The following USO1 variants were observed in gnomAD, a reference collection of about 807,000 sequenced individuals.
USO1 encodes the protein general vesicular transport factor p115.
USO1 carries 57 observed loss-of-function variants against 124.5 expected under a neutral mutation model. The ratio of observed to expected loss-of-function variants is 0.46; its 90% CI spans 0.37 to 0.57. USO1 has a LOEUF of 0.57. Among genes scored for constraint, USO1 ranks in the 20% least tolerant of loss-of-function variants. USO1 has a pLI of 0.00. For synonymous variants in USO1, 369 were observed against 362.8 expected, an observed-to-expected ratio of 1.02 and a Z score of -0.19; for missense variants, 900 against 1,040.6, an observed-to-expected ratio of 0.86 and a Z score of 1.86.
At chr4:75,733,693 G>A (rs1021401337) in intron 1 of USO1, among the ~76,000 whole-genome samples, 6 of 152,074 alleles carry the variant, frequency 3.9e-5, no homozygotes, top group African/African-American at 1.4e-4. Context: ...GTTGAATTAA[G>A]TTCCTTACAG....
chr4:75,751,245 T>C (rs1293749871), intron 1 of USO1, among the ~76,000 whole-genome samples: 1 of 150,834 alleles, frequency 6.6e-6, no homozygotes, highest in East Asian at 2.0e-4. Context: ...GGAACCTCAC[T>C]CTGTCACTCA....
At chr4:75,725,162 G>T (rs193092932) in intron 1 of USO1, among the ~76,000 whole-genome samples, 2 of 152,332 alleles carry the variant, frequency 1.3e-5, no homozygotes, top group South Asian at 2.1e-4. Context: ...GTCCGCAGGT[G>T]GTACCGCACG....
intron 8 of USO1, 110 bp downstream of exon 8, chr4:75,774,906 G>T: frequency 5.7e-6 from 8 of 1,392,808 alleles, no homozygotes; most frequent in South Asian, 1.9e-5. Flanking sequence ...TATACTCTTT[G>T]TTTTTCTTTC....
chr4:75,750,073 A>G (rs1316146323), intron 1 of USO1, among the ~76,000 whole-genome samples: 3 of 152,110 alleles, frequency 2.0e-5, no homozygotes, highest in Non-Finnish European at 2.9e-5. Context: ...TCTTCATCAG[A>G]TGTTTTCCAA....
At chr4:75,768,389 G>C (rs1721829259) in intron 4 of USO1, among the ~76,000 whole-genome samples, 1 of 152,160 alleles carries the variant, frequency 6.6e-6, no homozygotes, top group Non-Finnish European at 1.5e-5. Flanking sequence ...TGTTTTTGTT[G>C]ATGCTATTGA....
intron 13 of USO1, 42 bp downstream of exon 13, chr4:75,793,943 G>A (rs749855050): frequency 1.2e-6 from 2 of 1,611,078 alleles, no homozygotes; most frequent in South Asian, 2.2e-5. Context: ...ACATTTTGAT[G>A]TCAGTGATAC....
chr4:75,803,717 G>A (rs183746276), intron 17 of USO1, among the ~76,000 whole-genome samples: 19 of 151,388 alleles, frequency 1.3e-4, no homozygotes, highest in Non-Finnish European at 2.4e-4. Context: ...GTAAAAGTTG[G>A]AAGCTCTTTT....
chr4:75,808,454 T>G (rs914547592), intron 20 of USO1, among the ~76,000 whole-genome samples: 3 of 152,162 alleles, frequency 2.0e-5, no homozygotes, highest in Non-Finnish European at 2.9e-5. Context: ...TTTAACCTCA[T>G]TTTTATCTGT....
Position 75,727,842 on chromosome 4 carries a change from C to T in USO1, c.66+2957C>T, listed in dbSNP as rs112169833. Among the ~76,000 whole-genome samples the T allele has an allele frequency of 2.4e-3, 368 of 152,236 alleles. 1 individual carries two copies. The Middle Eastern group carries it at 0.037, about 15-fold the overall frequency. On this transcript the variant is annotated intron_variant, in intron 1 of 23. Coordinates refer to ENST00000514213, the MANE Select transcript of USO1 (RefSeq NM_003715.4). Reference sequence around the variant, plus strand: ...ACCTGTTATTTAAATTCATCATCAGCGCCTCCCCTAATCTGTACTTTCCCC... The same window carrying T: ...ACCTGTTATTTAAATTCATCATCAGTGCCTCCCCTAATCTGTACTTTCCCC...
intron 4 of USO1, among the ~76,000 whole-genome samples, chr4:75,766,189 G>C (rs1463595480): frequency 6.6e-6 from 1 of 152,090 alleles, no homozygotes; most frequent in East Asian, 1.9e-4. Context: ...AAAATATCAA[G>C]ACTTACAGAC....
chr4:75,759,527 C>T (rs1274626592), intron 4 of USO1, among the ~76,000 whole-genome samples: 1 of 150,676 alleles, frequency 6.6e-6, no homozygotes, highest in East Asian at 2.0e-4. Context: ...CCAGGAGGTA[C>T]AGGTTGGAGT....
chr4:75,757,085 C>T (rs775328657), intron 3 of USO1, among the ~76,000 whole-genome samples: 6 of 139,030 alleles, frequency 4.3e-5, no homozygotes, highest in Middle Eastern at 3.8e-3. Context: ...TAGATACAAA[C>T]GTATACATAT....
At chr4:75,811,548 A>G (rs1335321237) in intron 22 of USO1, among the ~76,000 whole-genome samples, 1 of 152,258 alleles carries the variant, frequency 6.6e-6, no homozygotes, top group African/African-American at 2.4e-5. Context: ...TAGGCTTTCC[A>G]TAAGCCGTGG....
At chr4:75,771,176 CT>C (rs773007726) in intron 7 of USO1, 39 bp downstream of exon 7, 35 of 1,554,174 alleles carry the variant, frequency 2.3e-5, no homozygotes, top group Admixed American at 6.3e-5. Context: ...AAATATGTGG[CT>C]TTTTTTTCTC....
At chr4:75,744,814 C>G (rs978143909) in intron 1 of USO1, 10 of 358,748 alleles carry the variant, frequency 2.8e-5, no homozygotes, top group Non-Finnish European at 4.4e-5. Flanking sequence ...AAGTAAAAGG[C>G]CCCCATGAAT....
intron 1 of USO1, among the ~76,000 whole-genome samples, chr4:75,747,005 T>G (rs114248226): frequency 1.3e-5 from 2 of 152,158 alleles, no homozygotes; most frequent in African/African-American, 4.8e-5. Flanking sequence ...TTATTGAAGA[T>G]TCATAGGTGC....
At chr4:75,795,330 T>A (rs74853639) in intron 13 of USO1, 1 of 702,320 alleles carries the variant, frequency 1.4e-6, no homozygotes, top group Admixed American at 2.0e-5. Context: ...AATGTATAAT[T>A]TGCAGGGTGA....
chr4:75,727,635 G>A (rs918079962), intron 1 of USO1, among the ~76,000 whole-genome samples: 1 of 152,120 alleles, frequency 6.6e-6, no homozygotes, highest in South Asian at 2.1e-4. Flanking sequence ...TGATGATTTA[G>A]TCTGGCCAGG....
In USO1 at chr4:75,724,725, A is replaced by C; in HGVS notation, c.-95A>C. The C allele has an allele frequency of 3.1e-6, 4 of 1,283,332 alleles. No homozygotes were observed. Among genetic ancestry groups the C allele is most frequent in the Non-Finnish European group, 4.4e-6 (4 of 906,588 alleles). 79.5% of individuals were successfully genotyped at this position (1,283,332 alleles called of 1,614,324 possible). A position where few individuals can be genotyped will look rare whatever the true frequency, so the allele number is the denominator to read the frequency against. ...TGGTGGCAGCAGTAGGAGTGTGTAGAGTGCGGGATTGGGGCCCAGGCCCTG... is the reference window on the plus strand; with the variant it reads ...TGGTGGCAGCAGTAGGAGTGTGTAGCGTGCGGGATTGGGGCCCAGGCCCTG... On this transcript the variant is annotated 5_prime_UTR_variant, in exon 1 of 24. Transcript: ENST00000514213.
Sources: allele counts gnomAD v4.1 joint callset (sites outside exome capture counted in the v4.1 genomes callset), GRCh38; gene constraint gnomAD v4.1.1; transcripts MANE v1.5; gene names NCBI Gene and HGNC (gene_info 2026-07-23, HGNC 2026-07-21).